Variants in RACGAP1 observed in about 807,000 individuals in gnomAD.
RACGAP1 encodes rac GTPase-activating protein 1.
A neutral mutation model predicts 78.1 loss-of-function variants in RACGAP1; 30 were observed. The ratio of observed to expected loss-of-function variants is 0.38; its 90% confidence interval spans 0.29 to 0.52. The LOEUF is 0.52. RACGAP1 is among the 20% of genes least tolerant of loss of function. RACGAP1 has a pLI of 0.82. For synonymous variants in RACGAP1, 231 were observed against 264.8 expected, an observed-to-expected ratio of 0.87 and a Z score of 1.24; for missense variants, 587 against 777.1, an observed-to-expected ratio of 0.76 and a Z score of 2.91.
At position 50,018,599 on chromosome 12, in the gene RACGAP1, A is replaced by C. The variant is rs1170853594; in HGVS notation, c.-4-1880T>G. On this transcript the variant is annotated intron_variant, in intron 1 of 16. Coordinates refer to ENST00000312377, the MANE Select transcript of RACGAP1 (RefSeq NM_001319999.2). ...ATTTCCTTTGGCTCTCCTGAGGTAA[A>C]AATGGAAGACTCTAATCAGTAGTTT... 2.3e-6 allele frequency: 3 copies of C among 1,276,884 alleles called. No homozygotes were observed. In the Admixed American group the frequency reaches 6.9e-5, roughly 29 times the overall value. The allele number at this position is 1,276,884 out of a possible 1,614,324, so 79.1% of individuals were successfully genotyped here.
At position 49,997,377 on chromosome 12, in the gene RACGAP1, C is replaced by T. The variant is rs191262456; in HGVS notation, c.880-173G>A. Among the ~76,000 whole-genome samples the T allele has an allele frequency of 1.5e-3, 229 of 150,772 alleles. 2 individuals carry two copies. The Middle Eastern group carries it at 0.017, about 11-fold the overall frequency. On this transcript the variant is annotated intron_variant, in intron 9 of 16. Transcript: ENST00000312377. The stretch of plus-strand genomic sequence containing the variant: ...GCAACCTCTGCCTCCCAGGTTCAAG[C>T]GATTCTCCTGTCTCAGCCTCCCGAG...
intron 1 of RACGAP1, among the ~76,000 whole-genome samples, chr12:50,019,500 A>C (rs1949877025): frequency 1.3e-5 from 2 of 152,150 alleles, no homozygotes; most frequent in African/African-American, 4.8e-5. Flanking sequence ...TTTCCATTCT[A>C]CCTCAACATC....
intron 2 of RACGAP1, among the ~76,000 whole-genome samples, chr12:50,015,567 C>T (rs1382715329): frequency 1.3e-5 from 2 of 151,962 alleles, no homozygotes; most frequent in Non-Finnish European, 2.9e-5. Flanking sequence ...TTTGGGAGGC[C>T]GAGGCGGGCA....
chr12:50,004,610 C>G (rs1948867045), intron 4 of RACGAP1, among the ~76,000 whole-genome samples: 1 of 152,144 alleles, frequency 6.6e-6, no homozygotes, highest in South Asian at 2.1e-4. Flanking sequence ...ACAGGCTACT[C>G]CAAATTCACA....
At chr12:50,032,362 G>A (rs1019836338) in intron 1 of RACGAP1, among the ~76,000 whole-genome samples, 5 of 152,178 alleles carry the variant, frequency 3.3e-5, no homozygotes, top group Non-Finnish European at 7.3e-5. Flanking sequence ...AAATAGCTGT[G>A]TAATGGAGGT....
intron 4 of RACGAP1, 56 bp from the exon 5 acceptor site, chr12:50,004,360 C>T: frequency 6.5e-7 from 1 of 1,550,222 alleles, no homozygotes; most frequent in African/African-American, 1.3e-5. Context: ...ATGTAAAATT[C>T]ACCAACATTC....
chr12:49,994,497 C>T lies in RACGAP1; in HGVS notation c.1057G>A (p.Asp353Asn). 1 of 1,612,822 alleles carries T rather than the reference C, an allele frequency of 6.2e-7. No individual in the cohort carries two copies. Among genetic ancestry groups the T allele is most frequent in the Non-Finnish European group, 8.5e-7 (1 of 1,179,714 alleles). Residue 353 changes from aspartate (D) to asparagine (N), a missense_variant, in exon 11 of 17, where the codon GAC becomes AAC. Asp to Asn is a conservative substitution (Grantham distance 23, BLOSUM62 1). Coordinates refer to ENST00000312377, the MANE Select transcript of RACGAP1 (RefSeq NM_001319999.2). ...PVKIGEGMLA[D>N]FVSQTSPMIP... Reference sequence around the variant, plus strand: ...ATTGGAGAAGTCTGGGACACAAAGTCTGCCAGCATTCCCTGGAAAAAAAAA... The same window carrying T: ...ATTGGAGAAGTCTGGGACACAAAGTTTGCCAGCATTCCCTGGAAAAAAAAA...
At position 49,991,650 on chromosome 12, in the gene RACGAP1, A is replaced by G. The variant is rs570705908; in HGVS notation, c.1714+348T>C. Among the ~76,000 whole-genome samples the G allele has an allele frequency of 8.0e-5, 12 of 150,438 alleles. No homozygotes were observed. The East Asian group carries it at 2.0e-3, about 24-fold the overall frequency. On this transcript the variant is annotated intron_variant, in intron 15 of 16. Transcript: ENST00000312377. ...ATTACAGGCATGCGCCACCACACCC[A>G]GCTAATTTTTGTATTTTTAGTAGAG...
intron 1 of RACGAP1, among the ~76,000 whole-genome samples, chr12:50,019,513 C>T (rs911932470): frequency 1.2e-4 from 18 of 151,874 alleles, no homozygotes; most frequent in Admixed American, 2.6e-4. Context: ...TCAACATCAA[C>T]GTGTAATATA....
At chr12:50,006,284 T>C in intron 3 of RACGAP1, 150 bp downstream of exon 3, 1 of 789,962 alleles carries the variant, frequency 1.3e-6, no homozygotes, top group Non-Finnish European at 2.1e-6. Context: ...CAATTTCAGC[T>C]CTAATCATGG....
chr12:50,018,953 G>A lies in RACGAP1; in HGVS notation c.-4-2234C>T, dbSNP rs142079477. Among the ~76,000 whole-genome samples the A allele has an allele frequency of 1.9e-4, 29 of 151,636 alleles. No homozygotes were observed. In the East Asian group the frequency reaches 4.5e-3, roughly 23 times the overall value. On this transcript the variant is annotated intron_variant, in intron 1 of 16. Transcript: ENST00000312377. ...GCTTCCCAGGTTCAAGTGATTCTCC[G>A]GCCTCAGCCTCCTGACACTGTTCTA...
At chr12:50,021,295 C>A (rs1249896030) in intron 1 of RACGAP1, 1 of 183,464 alleles carries the variant, frequency 5.5e-6, no homozygotes, top group African/African-American at 2.4e-5. Context: ...CTGAAACGAT[C>A]CCTGCGTGCA....
chr12:49,999,689 A>G lies in RACGAP1; in HGVS notation c.675T>C (p.Asn225=), dbSNP rs779742830. Residue 225 remains asparagine (N), a synonymous_variant, in exon 8 of 17, where the codon AAT becomes AAC. Transcript: ENST00000312377. ...IVAKTTVTVP[N]DGGPIEAVST... is the part of the protein sequence containing the mutation. ...ACACAGCTTCGATGGGCCCGCCATC[A>G]TTGGGAACAGTCACTGTAGTTTTTG... 5 of 1,614,122 alleles carry G rather than the reference A, an allele frequency of 3.1e-6. No homozygotes were observed. Among genetic ancestry groups the G allele is most frequent in the Admixed American group, 1.7e-5 (1 of 60,010 alleles).
At chr12:49,990,459 G>T in intron 16 of RACGAP1, 116 bp from the exon 17 acceptor site, 1 of 942,180 alleles carries the variant, frequency 1.1e-6, no homozygotes, top group Non-Finnish European at 1.6e-6. Context: ...CAACTATTTT[G>T]CAATAGTTGC....
intron 12 of RACGAP1, 22 bp from the exon 13 acceptor site, chr12:49,992,677 C>A: frequency 6.3e-7 from 1 of 1,586,320 alleles, no homozygotes; most frequent in South Asian, 1.1e-5. Context: ...AAGAAAGCAC[C>A]AAGAGGCCTA....
chr12:49,992,048 A>G lies in RACGAP1; in HGVS notation c.1664T>C (p.Val555Ala). The change falls in exon 15 of 17, where the codon GTC becomes GCC. Residue 555 changes from valine to alanine, a missense_variant. Val to Ala is a moderately conservative substitution (Grantham distance 64). Transcript: ENST00000312377. ...TGAAAAGGCATTTGAGTTTTCAATG[A>G]CATGTAGGGGGTCAATGTTCTCTTG... ...VEQENIDPLHVIENSNAFSTP... is the reference protein window; with the variant it reads ...VEQENIDPLHAIENSNAFSTP... 5 of 1,614,116 alleles carry G rather than the reference A, an allele frequency of 3.1e-6. No homozygotes were observed. The highest frequency in any genetic ancestry group is 4.2e-6 in the Non-Finnish European group (5 of 1,180,014).
At chr12:50,015,775 C>G (rs1949632494) in intron 2 of RACGAP1, among the ~76,000 whole-genome samples, 1 of 150,868 alleles carries the variant, frequency 6.6e-6, no homozygotes, top group Admixed American at 6.6e-5. Context: ...GCACTCCAGC[C>G]TGGGTGACAG....
chr12:49,990,840 A>T (rs1947790003), intron 15 of RACGAP1, 48 bp from the exon 16 acceptor site: 4 of 1,416,750 alleles, frequency 2.8e-6, no homozygotes, highest in African/African-American at 2.8e-5. Flanking sequence ...AAAAGAAGGC[A>T]TCTTTTTAGA....
At position 49,998,062 on chromosome 12, in the gene RACGAP1, G is replaced by A. The variant is rs575482618; in HGVS notation, c.880-858C>T. 2.5e-4 allele frequency among the ~76,000 whole-genome samples: 38 copies of A among 152,340 alleles called. 1 individual carries two copies. The South Asian group carries it at 7.7e-3, about 31-fold the overall frequency. On this transcript the variant is annotated intron_variant, in intron 9 of 16. Transcript: ENST00000312377. Reference sequence around the variant, plus strand: ...CTTGTTTAAGGTCATCCCACTGGAAGGCAGCAGTGTGTGATAGTGGAAAGA... The same window carrying A: ...CTTGTTTAAGGTCATCCCACTGGAAAGCAGCAGTGTGTGATAGTGGAAAGA...
Sources: gnomAD v4.1 joint callset for allele counts (sites outside exome capture counted in the v4.1 genomes callset) on GRCh38, gnomAD v4.1.1 for gene constraint, MANE v1.5 for transcripts, NCBI Gene and HGNC (gene_info 2026-07-23, HGNC 2026-07-21) for gene names.